NRXN3: variants seen among roughly 807,000 people sequenced by gnomAD.
NRXN3 encodes neurexin III.
NRXN3 carries 32 observed loss-of-function variants against 137.6 expected under a neutral mutation model. The observed-to-expected ratio is 0.23, with a 90% CI of 0.18 to 0.31. The LOEUF is 0.31. Among genes scored for constraint, NRXN3 ranks in the 10% least tolerant of loss-of-function variants. The pLI, the probability that NRXN3 is intolerant of heterozygous loss-of-function variation, is 1.00. For missense variants in NRXN3, 1,574 were observed against 2,062.5 expected, an observed-to-expected ratio of 0.76 and a Z score of 4.59; for synonymous variants, 798 against 784.5, an observed-to-expected ratio of 1.02 and a Z score of -0.29.
intron 15 of NRXN3, among the ~76,000 whole-genome samples, chr14:79,328,562 T>A (rs893890092): frequency 6.6e-6 from 1 of 152,228 alleles, no homozygotes; most frequent in African/African-American, 2.4e-5. Flanking sequence ...TTTTCCTTTT[T>A]CCATGGTTTC....
intron 15 of NRXN3, among the ~76,000 whole-genome samples, chr14:79,326,367 A>T (rs1346084502): frequency 6.6e-6 from 1 of 152,206 alleles, no homozygotes; most frequent in East Asian, 1.9e-4. Context: ...TTTAGCCCCC[A>T]TGACAACAGT....
chr14:78,214,131 C>T (rs532832253), intron 1 of NRXN3, among the ~76,000 whole-genome samples: 8 of 152,324 alleles, frequency 5.3e-5, no homozygotes, highest in African/African-American at 1.7e-4. Context: ...CTGGTCTGGG[C>T]CCTTTCTAGC....
chr14:79,462,076 A>C (rs1475685057), intron 15 of NRXN3, among the ~76,000 whole-genome samples: 2 of 152,138 alleles, frequency 1.3e-5, no homozygotes, highest in Non-Finnish European at 2.9e-5. Context: ...AGTTCTCCTT[A>C]AATTTAACTC....
At chr14:79,463,826 T>C (rs1212906656) in intron 15 of NRXN3, among the ~76,000 whole-genome samples, 1 of 152,150 alleles carries the variant, frequency 6.6e-6, no homozygotes, top group Non-Finnish European at 1.5e-5. Context: ...TGTAATGTGG[T>C]ATAGCATGCC....
At chr14:78,603,276 C>A (rs75428240) in intron 4 of NRXN3, among the ~76,000 whole-genome samples, 2,093 of 152,212 alleles carry the variant, frequency 0.014, 45 homozygotes, top group African/African-American at 0.048. Context: ...TTTACAAGGA[C>A]CCTCATTTCT....
chr14:78,653,594 A>G (rs1167456305), intron 6 of NRXN3, among the ~76,000 whole-genome samples: 1 of 152,160 alleles, frequency 6.6e-6, no homozygotes, highest in East Asian at 1.9e-4. Context: ...TTTCCCAACC[A>G]TGAATCTTCT....
At chr14:78,998,907 C>G (rs1020178538) in intron 15 of NRXN3, among the ~76,000 whole-genome samples, 1 of 151,772 alleles carries the variant, frequency 6.6e-6, no homozygotes, top group African/African-American at 2.4e-5. Flanking sequence ...TACTTCCACT[C>G]CCTCTGAAAA....
intron 16 of NRXN3, among the ~76,000 whole-genome samples, chr14:79,513,120 G>A (rs2096948703): frequency 6.6e-6 from 1 of 152,228 alleles, no homozygotes; most frequent in East Asian, 1.9e-4. Context: ...GATGGTGTAT[G>A]TAGAAGAAAA....
At position 79,585,839 on chromosome 14, in the gene NRXN3, T is replaced by C. The variant is rs538231221; in HGVS notation, c.3445-77939T>C. On this transcript the variant is annotated intron_variant, in intron 16 of 20. Transcript: ENST00000335750. Reference sequence around the variant, plus strand: ...TGGTGGAGAGCATTCACATTCCTTTTCAGTAGTAGCCTCTTAACGATGAGG... The same window carrying C: ...TGGTGGAGAGCATTCACATTCCTTTCCAGTAGTAGCCTCTTAACGATGAGG... Among the ~76,000 whole-genome samples the C allele has an allele frequency of 9.8e-5, 15 of 152,286 alleles. 1 individual carries two copies. In the South Asian group the frequency reaches 3.1e-3, roughly 32 times the overall value.
intron 15 of NRXN3, among the ~76,000 whole-genome samples, chr14:79,277,248 G>C (rs564521228): frequency 1.6e-4 from 25 of 152,210 alleles, no homozygotes; most frequent in Admixed American, 1.3e-3. Flanking sequence ...AACTTCCCAC[G>C]ATCAAAGCAG....
At chr14:79,183,714 C>T (rs913732053) in intron 15 of NRXN3, among the ~76,000 whole-genome samples, 33 of 152,158 alleles carry the variant, frequency 2.2e-4, no homozygotes, top group African/African-American at 7.5e-4. Flanking sequence ...CGCCAAAGCC[C>T]GGCTCACTGC....
chr14:78,324,154 C>G (rs1296427374), intron 4 of NRXN3, among the ~76,000 whole-genome samples: 6 of 152,202 alleles, frequency 3.9e-5, no homozygotes, highest in Non-Finnish European at 8.8e-5. Flanking sequence ...TGCTCTGCAG[C>G]CTTCAACCTC....
intron 4 of NRXN3, among the ~76,000 whole-genome samples, chr14:78,416,782 G>A (rs1024915778): frequency 6.6e-6 from 1 of 152,168 alleles, no homozygotes; most frequent in Non-Finnish European, 1.5e-5. Context: ...AGGCAGGTAG[G>A]AAAACTGTAC....
intron 15 of NRXN3, among the ~76,000 whole-genome samples, chr14:79,454,606 T>G (rs2096232683): frequency 6.6e-6 from 1 of 152,244 alleles, no homozygotes; most frequent in Admixed American, 6.5e-5. Context: ...TAACAAATTC[T>G]AAAACGATGT....
chr14:78,736,134 T>A (rs1265803123), intron 8 of NRXN3, among the ~76,000 whole-genome samples: 2 of 121,230 alleles, frequency 1.6e-5, no homozygotes, highest in Admixed American at 1.8e-4. Context: ...TACACATAGA[T>A]CCATGTATCT....
At chr14:78,829,664 G>A (rs2098976434) in intron 10 of NRXN3, among the ~76,000 whole-genome samples, 1 of 152,048 alleles carries the variant, frequency 6.6e-6, no homozygotes, top group East Asian at 1.9e-4. Context: ...ATTGCATCTA[G>A]TCCTATATTG....
At chr14:78,800,762 G>T (rs1485325434) in intron 8 of NRXN3, among the ~76,000 whole-genome samples, 1 of 152,098 alleles carries the variant, frequency 6.6e-6, no homozygotes, top group Non-Finnish European at 1.5e-5. Flanking sequence ...CCTGACTCTT[G>T]TTTCTCCCTG....
intron 15 of NRXN3, among the ~76,000 whole-genome samples, chr14:79,289,923 G>A (rs1425057976): frequency 6.6e-6 from 1 of 152,106 alleles, no homozygotes; most frequent in Non-Finnish European, 1.5e-5. Context: ...ACCAGCTATT[G>A]AGTGGCTATG....
At chr14:79,174,172 G>A (rs1314219373) in intron 15 of NRXN3, among the ~76,000 whole-genome samples, 1 of 152,158 alleles carries the variant, frequency 6.6e-6, no homozygotes, top group Non-Finnish European at 1.5e-5. Context: ...AATGAAGGTA[G>A]CGTTAATGTC....
Sources: allele counts gnomAD v4.1 joint callset (sites outside exome capture counted in the v4.1 genomes callset), GRCh38; gene constraint gnomAD v4.1.1; transcripts MANE v1.5; gene names NCBI Gene and HGNC (gene_info 2026-07-23, HGNC 2026-07-21).